Variants in OR1J2 observed in about 807,000 individuals in gnomAD.
OR1J2 encodes olfactory receptor 1J2.
For synonymous variants in OR1J2, 142 were observed against 99.7 expected (o/e 1.42, Z -2.52); for missense variants, 304 against 246.1 (o/e 1.24, Z -1.57).
At chr9:122,560,032 T>C in the OR1J2 span, among the ~76,000 whole-genome samples, 1 of 152,228 alleles carries the variant, frequency 6.6e-6, no homozygotes, top group Admixed American at 6.5e-5. Flanking sequence ...TGCAAATATA[T>C]TTAAGATAGT....
chr9:122,490,509 A>G, the OR1J2 span, among the ~76,000 whole-genome samples: 1 of 152,198 alleles, frequency 6.6e-6, no homozygotes, highest in Admixed American at 6.5e-5. Flanking sequence ...CGTTTCCCAC[A>G]CAGAACAGCA....
the OR1J2 span, among the ~76,000 whole-genome samples, chr9:122,534,538 G>A: frequency 6.6e-6 from 1 of 152,092 alleles, no homozygotes. Context: ...CTGGGCAGGT[G>A]GGGGAGGGCT....
At chr9:122,480,131 A>T in the OR1J2 span, among the ~76,000 whole-genome samples, 1 of 152,326 alleles carries the variant, frequency 6.6e-6, no homozygotes, top group South Asian at 2.1e-4. Flanking sequence ...GCAGGGATTC[A>T]CTATAACATA....
the OR1J2 span, among the ~76,000 whole-genome samples, chr9:122,566,526 G>A: frequency 6.6e-6 from 1 of 152,056 alleles, no homozygotes; most frequent in South Asian, 2.1e-4. Flanking sequence ...CAAGGAAGCA[G>A]TAAAGATATA....
the OR1J2 span, among the ~76,000 whole-genome samples, chr9:122,471,043 G>A: frequency 6.6e-6 from 1 of 152,156 alleles, no homozygotes; most frequent in African/African-American, 2.4e-5. Flanking sequence ...TTGGGTTAAT[G>A]CTGAAAAGAG....
chr9:122,548,029 C>G, the OR1J2 span, among the ~76,000 whole-genome samples: 1 of 152,120 alleles, frequency 6.6e-6, no homozygotes, highest in African/African-American at 2.4e-5. Context: ...ATTTTCATTT[C>G]TCTGATGGTT....
At chr9:122,547,120 A>T in the OR1J2 span, among the ~76,000 whole-genome samples, 12 of 12,392 alleles carry the variant, frequency 9.7e-4, no homozygotes, top group South Asian at 0.03. Context: ...TGAGCCACAT[A>T]AAAAAATAAT....
chr9:122,501,040 G>A, the OR1J2 span, among the ~76,000 whole-genome samples: 2 of 152,154 alleles, frequency 1.3e-5, no homozygotes, highest in East Asian at 1.9e-4. Context: ...TATATAGGCA[G>A]GTTTACAGTT....
At chr9:122,492,688 T>C in the OR1J2 span, among the ~76,000 whole-genome samples, 1 of 152,062 alleles carries the variant, frequency 6.6e-6, no homozygotes, top group African/African-American at 2.4e-5. Flanking sequence ...TCCTCTTTAC[T>C]GATTTTACTA....
the OR1J2 span, chr9:122,526,638 A>G: frequency 6.2e-7 from 1 of 1,614,178 alleles, no homozygotes; most frequent in Non-Finnish European, 8.5e-7. Flanking sequence ...AGCTGGCACA[A>G]TGTGGATGTA....
the OR1J2 span, chr9:122,477,611 A>T: frequency 1.2e-6 from 2 of 1,614,144 alleles, no homozygotes; most frequent in Non-Finnish European, 1.7e-6. Context: ...TCAGCAAAAA[A>T]TATGAAAAAA....
At chr9:122,520,163 T>C in the OR1J2 span, 1 of 1,005,460 alleles carries the variant, frequency 9.9e-7, no homozygotes, top group Non-Finnish European at 1.5e-6. Context: ...CAGCAAGGGA[T>C]AAGTGCTCAG....
the OR1J2 span, among the ~76,000 whole-genome samples, chr9:122,571,768 G>A: frequency 6.6e-6 from 1 of 151,972 alleles, no homozygotes; most frequent in East Asian, 1.9e-4. Context: ...TGTGTGTAGG[G>A]TTGTAGTGGT....
the OR1J2 span, among the ~76,000 whole-genome samples, chr9:122,517,041 A>G: frequency 6.6e-6 from 1 of 152,208 alleles, no homozygotes; most frequent in Non-Finnish European, 1.5e-5. Flanking sequence ...GTATGCAGTC[A>G]TTCTTCACAA....
chr9:122,571,876 G>GTAT, the OR1J2 span, among the ~76,000 whole-genome samples: 2 of 152,086 alleles, frequency 1.3e-5, no homozygotes, highest in Non-Finnish European at 2.9e-5. Context: ...TATGAAAGGT[G>GTAT]TATTAGTCTA....
chr9:122,531,954 G>A, the OR1J2 span, among the ~76,000 whole-genome samples: 1 of 152,148 alleles, frequency 6.6e-6, no homozygotes, highest in Non-Finnish European at 1.5e-5. Flanking sequence ...GGCATGTTGA[G>A]TAAAGCTAAT....
chr9:122,511,812 A>G, downstream of OR1J2: 1 of 749,300 alleles, frequency 1.3e-6, no homozygotes. Context: ...CCATTTGAAT[A>G]TGTCTCAAAA....
the OR1J2 span, among the ~76,000 whole-genome samples, chr9:122,462,266 G>A: frequency 1.3e-5 from 2 of 151,866 alleles, no homozygotes; most frequent in Non-Finnish European, 2.9e-5. Context: ...CATTTGCATG[G>A]AATAGCTTTT....
At chr9:122,577,973 A>G in the OR1J2 span, among the ~76,000 whole-genome samples, 66 of 152,352 alleles carry the variant, frequency 4.3e-4, no homozygotes, top group South Asian at 8.3e-4. Flanking sequence ...CTGATCATAT[A>G]AATACTAAAA....
Sources: gnomAD v4.1 joint callset for allele counts (sites outside exome capture counted in the v4.1 genomes callset) on GRCh38, gnomAD v4.1.1 for gene constraint, MANE v1.5 for transcripts, NCBI Gene and HGNC (gene_info 2026-07-23, HGNC 2026-07-21) for gene names.